Variants in CORO7 observed in about 807,000 individuals in gnomAD.
CORO7 encodes coronin-7.
A neutral mutation model predicts 126.6 loss-of-function variants in CORO7; 107 were observed. The ratio of observed to expected loss-of-function variants is 0.85; its 90% CI spans 0.72 to 0.99. The LOEUF is 0.99. Among genes scored for constraint, CORO7 ranks in the 50% least tolerant of loss-of-function variants. CORO7 has a pLI of 0.00. For synonymous variants in CORO7, 603 were observed against 536.8 expected (o/e 1.12, Z -1.70); for missense variants, 1,314 against 1,255.8 (o/e 1.05, Z -0.70).
chr16:4,405,429 G>A (rs28711228), intron 6 of CORO7, 62 bp downstream of exon 6: 5 of 1,546,494 alleles, frequency 3.2e-6, no homozygotes, highest in African/African-American at 1.4e-5. Context: ...GCCCAGCCCA[G>A]GGGGTCCCAG....
intron 5 of CORO7, 86 bp downstream of exon 5, chr16:4,407,415 T>C (rs896202918): frequency 6.8e-7 from 1 of 1,461,300 alleles, no homozygotes; most frequent in African/African-American, 1.4e-5. Context: ...GTTTTTAAAT[T>C]TATGTGACTA....
At chr16:4,390,338 T>C (rs1198200854) in intron 7 of CORO7, among the ~76,000 whole-genome samples, 1 of 152,192 alleles carries the variant, frequency 6.6e-6, no homozygotes, top group African/African-American at 2.4e-5. Flanking sequence ...GGACCTACTT[T>C]TGAAGACGGC....
intron 9 of CORO7, among the ~76,000 whole-genome samples, chr16:4,370,254 C>T (rs574492020): frequency 2.6e-4 from 40 of 152,312 alleles, no homozygotes; most frequent in African/African-American, 5.8e-4. Context: ...CAAGAGGCTG[C>T]ACAGCACTGA....
intron 26 of CORO7, among the ~76,000 whole-genome samples, chr16:4,356,114 C>T (rs955184891): frequency 1.1e-4 from 17 of 151,976 alleles, no homozygotes; most frequent in Non-Finnish European, 2.1e-4. Context: ...CCACCATGCC[C>T]GGCTAATTTT....
intron 6 of CORO7, among the ~76,000 whole-genome samples, chr16:4,398,451 C>T (rs962641926): frequency 6.6e-6 from 1 of 152,004 alleles, no homozygotes; most frequent in Non-Finnish European, 1.5e-5. Context: ...GAATCACTTG[C>T]GGTAAGGAGC....
chr16:4,355,199 G>T, intron 27 of CORO7, 36 bp from the exon 28 acceptor site: 1 of 1,574,392 alleles, frequency 6.4e-7, no homozygotes, highest in Non-Finnish European at 8.6e-7. Flanking sequence ...AGGGAGTCAG[G>T]AGGGCCTGGG....
At chr16:4,374,871 A>T (rs1436075645) in intron 9 of CORO7, among the ~76,000 whole-genome samples, 1 of 151,954 alleles carries the variant, frequency 6.6e-6, no homozygotes, top group Non-Finnish European at 1.5e-5. Context: ...TTGGTGACTA[A>T]GGTGTTCTTC....
chr16:4,390,893 C>T (rs1319586135), intron 7 of CORO7, among the ~76,000 whole-genome samples: 2 of 152,222 alleles, frequency 1.3e-5, no homozygotes, highest in Non-Finnish European at 1.5e-5. Context: ...ACCACAGCTG[C>T]CCCAGAAACG....
At chr16:4,359,428 G>C (rs1326956962) in intron 22 of CORO7, 43 bp from the exon 23 acceptor site, 2 of 1,613,304 alleles carry the variant, frequency 1.2e-6, no homozygotes, top group Non-Finnish European at 1.7e-6. Flanking sequence ...GGCAACACTG[G>C]CCTTCCCCCC....
intron 1 of CORO7, 62 bp from the exon 2 acceptor site, chr16:4,413,466 A>G (rs895002861): frequency 3.4e-6 from 5 of 1,483,930 alleles, no homozygotes; most frequent in Admixed American, 2.1e-5. Context: ...ATGCATGCCT[A>G]AAGCAAGAGG....
chr16:4,387,804 G>T, intron 9 of CORO7, 182 bp downstream of exon 9: 1 of 710,202 alleles, frequency 1.4e-6, no homozygotes, highest in Non-Finnish European at 2.3e-6. Context: ...TGCTGCTCGT[G>T]ACATCTGGAA....
intron 9 of CORO7, among the ~76,000 whole-genome samples, chr16:4,384,985 G>A (rs1395237267): frequency 6.6e-6 from 1 of 152,164 alleles, no homozygotes; most frequent in East Asian, 1.9e-4. Flanking sequence ...GCGGGGGGGT[G>A]GCAGGGCCCA....
rs760157209 is a variant in CORO7 at position 4,381,238 on chromosome 16, C to T, written c.785+6748G>A. 2.2e-5 allele frequency: 36 copies of T among 1,611,778 alleles called. No individual in the cohort carries two copies. Among genetic ancestry groups the T allele is most frequent in the African/African-American group, 8.0e-5 (6 of 74,912 alleles). ...GCATGAAATCACCAATGAGACCTTC[C>T]GTGGCCTGCGGCGCCTCGAGCGCCT... On this transcript the variant is annotated intron_variant, in intron 9 of 27. Transcript: ENST00000251166.
Position 4,362,758 on chromosome 16 carries a change from C to G in CORO7, c.1276-20G>C. On this transcript the variant is annotated intron_variant, in intron 14 of 27. Transcript: ENST00000251166. This position sits in a 1 kb window ranked among gnomAD's most constrained non-coding sequence, Gnocchi z 5.3. ...ACCCTCCTGGGGAGGGGCATGGGGT[C>G]AGCCAGCCTGCTCCTAGGTGTACTG... The G allele has an allele frequency of 2.2e-6, 3 of 1,365,252 alleles. No homozygotes were observed. The South Asian group carries it at 5.6e-5, about 25-fold the overall frequency. The allele number at this position is 1,365,252 out of a possible 1,614,324, so 84.6% of individuals were successfully genotyped here.
chr16:4,402,278 G>C (rs2055839084), intron 6 of CORO7, among the ~76,000 whole-genome samples: 1 of 141,088 alleles, frequency 7.1e-6, no homozygotes, highest in Non-Finnish European at 1.6e-5. Flanking sequence ...TTTTAAGAGA[G>C]AGGGTCTTGC....
intron 9 of CORO7, chr16:4,381,673 C>G: frequency 6.2e-7 from 1 of 1,606,510 alleles, no homozygotes; most frequent in Middle Eastern, 1.7e-4. Flanking sequence ...CCTGGCTGCC[C>G]TGCAGGAGCT....
chr16:4,355,238 G>A (rs1347769351), intron 27 of CORO7, 48 bp downstream of exon 27: 3 of 1,608,004 alleles, frequency 1.9e-6, no homozygotes, highest in Non-Finnish European at 2.5e-6. Flanking sequence ...CGTGGCATGT[G>A]CGAGGGACCG....
At chr16:4,415,160 C>G (rs967088901) in intron 1 of CORO7, among the ~76,000 whole-genome samples, 2 of 152,148 alleles carry the variant, frequency 1.3e-5, no homozygotes, top group African/African-American at 2.4e-5. Context: ...GCCCCTCCCC[C>G]TAACTTTTCA....
intron 26 of CORO7, 74 bp downstream of exon 26, chr16:4,357,094 G>T: frequency 6.3e-7 from 1 of 1,583,530 alleles, no homozygotes; most frequent in Non-Finnish European, 8.6e-7. Context: ...GTTGGGGATG[G>T]AGAACTAAGG....
Sources: allele counts gnomAD v4.1 joint callset (sites outside exome capture counted in the v4.1 genomes callset), GRCh38; gene constraint gnomAD v4.1.1; non-coding constraint Gnocchi (gnomAD v3.1); transcripts MANE v1.5; gene names NCBI Gene and HGNC (gene_info 2026-07-23, HGNC 2026-07-21).